Variants in MCC observed in about 807,000 individuals in gnomAD.
MCC encodes MCC regulator of Wnt signaling pathway.
Under a neutral mutation model 116.2 loss-of-function variants are expected in MCC, and 90 were observed. The ratio of observed to expected loss-of-function variants is 0.77; its 90% confidence interval spans 0.65 to 0.92. MCC has a LOEUF of 0.92. MCC is among the 40% of genes least tolerant of loss of function. The probability of loss-of-function intolerance (pLI) is 0.00; values close to 1 mark genes in which losing one functional copy is unlikely to be tolerated. For synonymous variants in MCC, 578 were observed against 510.5 expected (o/e 1.13, Z -1.78); for missense variants, 1,516 against 1,312.2 (o/e 1.16, Z -2.40).
intron 17 of MCC, among the ~76,000 whole-genome samples, chr5:113,038,262 C>A (rs1338891236): frequency 1.3e-5 from 2 of 151,958 alleles, no homozygotes; most frequent in Non-Finnish European, 2.9e-5. Context: ...GTGGAGATGT[C>A]CAGTGGGCAT....
chr5:113,439,418 G>A (rs1008679361), intron 1 of MCC, among the ~76,000 whole-genome samples: 5 of 152,192 alleles, frequency 3.3e-5, no homozygotes, highest in Non-Finnish European at 5.9e-5. Context: ...AATGGCATTT[G>A]AACAAAACAC....
intron 1 of MCC, among the ~76,000 whole-genome samples, chr5:113,482,611 T>C (rs1453621318): frequency 1.3e-5 from 2 of 152,222 alleles, no homozygotes; most frequent in African/African-American, 2.4e-5. Flanking sequence ...GGGTTATTTG[T>C]CTTTTTATTA....
intron 3 of MCC, among the ~76,000 whole-genome samples, chr5:113,212,133 A>G (rs968017710): frequency 6.6e-6 from 1 of 152,230 alleles, no homozygotes; most frequent in Non-Finnish European, 1.5e-5. Context: ...GATAACTAAC[A>G]TTCCACTAGT....
intron 1 of MCC, among the ~76,000 whole-genome samples, chr5:113,470,648 G>C (rs1291080059): frequency 5.9e-5 from 9 of 151,914 alleles, no homozygotes; most frequent in African/African-American, 1.7e-4. Context: ...GTGAATCTGA[G>C]AATTATGTGT....
At chr5:113,437,215 C>T (rs1304862793) in intron 1 of MCC, 2 of 152,002 alleles carry the variant, frequency 1.3e-5, no homozygotes, top group Admixed American at 6.6e-5. Flanking sequence ...AGTTATCCTA[C>T]AAAGGCAATA....
chr5:113,143,268 G>A lies in MCC; in HGVS notation c.834C>T (p.Val278=). 6.2e-7 allele frequency: 1 copy of A among 1,613,328 alleles called. No individual in the cohort carries two copies. The highest frequency in any genetic ancestry group is 8.5e-7 in the Non-Finnish European group (1 of 1,179,836). Residue 278 remains valine (V), a synonymous_variant, in exon 5 of 19, where the codon GTC becomes GTT. Coordinates refer to ENST00000408903, the MANE Select transcript of MCC (RefSeq NM_001085377.2). ...YEERITELHS[V]IAELNKKIDR... ...CTATCTTCTTGTTGAGCTCCGCAATGACGCTGTGGAGCTCTGTGATGCGTT... is the reference window on the plus strand; with the variant it reads ...CTATCTTCTTGTTGAGCTCCGCAATAACGCTGTGGAGCTCTGTGATGCGTT...
intron 1 of MCC, among the ~76,000 whole-genome samples, chr5:113,431,379 A>G (rs1239922769): frequency 1.3e-5 from 2 of 152,128 alleles, no homozygotes; most frequent in Non-Finnish European, 2.9e-5. Flanking sequence ...TCTCTCTCTG[A>G]GGGCACTAGG....
intron 2 of MCC, among the ~76,000 whole-genome samples, chr5:113,344,277 G>A (rs985933033): frequency 4.6e-5 from 7 of 152,260 alleles, no homozygotes; most frequent in Middle Eastern, 3.4e-3. Context: ...CCCAGCAGTC[G>A]GAACTTGAGT....
chr5:113,066,337 A>G (rs567429625), intron 13 of MCC, among the ~76,000 whole-genome samples: 1 of 152,316 alleles, frequency 6.6e-6, no homozygotes, highest in South Asian at 2.1e-4. Flanking sequence ...ATTAATTTAA[A>G]AAAATCCTGA....
chr5:113,328,530 G>C (rs1318677253), intron 3 of MCC, among the ~76,000 whole-genome samples: 1 of 152,166 alleles, frequency 6.6e-6, no homozygotes, highest in Non-Finnish European at 1.5e-5. Flanking sequence ...ACAACCTCCA[G>C]CATTCTCGGC....
intron 3 of MCC, among the ~76,000 whole-genome samples, chr5:113,337,588 C>G (rs1272774754): frequency 6.6e-6 from 1 of 152,146 alleles, no homozygotes; most frequent in Non-Finnish European, 1.5e-5. Context: ...GTACGGTTTT[C>G]TTTACCCTTA....
At chr5:113,321,620 A>T (rs567642217) in intron 3 of MCC, among the ~76,000 whole-genome samples, 5 of 152,346 alleles carry the variant, frequency 3.3e-5, no homozygotes, top group Non-Finnish European at 5.9e-5. Flanking sequence ...TTCTAAGAAG[A>T]TGCTGTCTTT....
At chr5:113,077,208 G>T (rs1373596394) in intron 11 of MCC, among the ~76,000 whole-genome samples, 1 of 152,076 alleles carries the variant, frequency 6.6e-6, no homozygotes, top group African/African-American at 2.4e-5. Context: ...AATAATAATG[G>T]AGACTTTAAC....
chr5:113,206,902 G>A (rs908015265), intron 3 of MCC, among the ~76,000 whole-genome samples: 2 of 152,162 alleles, frequency 1.3e-5, no homozygotes, highest in South Asian at 4.1e-4. Flanking sequence ...CAAGACAGGG[G>A]TCATTACCCT....
intron 9 of MCC, 25 bp downstream of exon 9, chr5:113,085,139 A>G (rs774476460): frequency 3.7e-6 from 6 of 1,613,788 alleles, no homozygotes; most frequent in African/African-American, 1.3e-5. Flanking sequence ...GTTCCCGCTC[A>G]TCGGGTCCAT....
chr5:113,285,265 T>C (rs1039217549), intron 3 of MCC, among the ~76,000 whole-genome samples: 1 of 152,104 alleles, frequency 6.6e-6, no homozygotes, highest in African/African-American at 2.4e-5. Context: ...ATACCTTCTT[T>C]AACTGGCTTT....
chr5:113,420,140 T>TAAATCTTATACTTAAGATTAAATATAA (rs1770286433), intron 1 of MCC, among the ~76,000 whole-genome samples: 1 of 147,312 alleles, frequency 6.8e-6, no homozygotes, highest in African/African-American at 2.6e-5. Flanking sequence ...AAAGTTTACT[T>TAAATCTTATACTTAAGATTAAATATAA]AAATCTTATA....
chr5:113,270,549 C>T (rs1765572655), intron 3 of MCC, among the ~76,000 whole-genome samples: 2 of 151,098 alleles, frequency 1.3e-5, no homozygotes, highest in Non-Finnish European at 2.9e-5. Flanking sequence ...CCCAAGATAA[C>T]AATGTGTCGT....
intron 3 of MCC, among the ~76,000 whole-genome samples, chr5:113,228,990 G>C (rs1302396962): frequency 6.6e-6 from 1 of 152,178 alleles, no homozygotes; most frequent in African/African-American, 2.4e-5. Flanking sequence ...ATCATGTTTA[G>C]TTTTAAATAC....
Sources: allele counts gnomAD v4.1 joint callset (sites outside exome capture counted in the v4.1 genomes callset), GRCh38; gene constraint gnomAD v4.1.1; transcripts MANE v1.5; gene names NCBI Gene and HGNC (gene_info 2026-07-23, HGNC 2026-07-21).